KALRN: variants seen among roughly 807,000 people sequenced by gnomAD.
KALRN encodes kalirin RhoGEF kinase.
A neutral mutation model predicts 353.7 loss-of-function variants in KALRN; 70 were observed. The ratio of observed to expected loss-of-function variants is 0.20; its 90% CI spans 0.16 to 0.24. KALRN has a LOEUF of 0.24. Ranked by LOEUF, KALRN falls within the 10% of genes least tolerant of loss-of-function variation. The pLI, the probability that KALRN is intolerant of heterozygous loss-of-function variation, is 1.00. For missense variants in KALRN, 2,791 were observed against 3,756.7 expected (o/e 0.74, Z 6.72); for synonymous variants, 1,391 against 1,434.8 (o/e 0.97, Z 0.69).
chr3:124,119,629 T>C (rs754008274), intron 1 of KALRN, among the ~76,000 whole-genome samples: 7 of 152,180 alleles, frequency 4.6e-5, no homozygotes, highest in Non-Finnish European at 8.8e-5. Flanking sequence ...TGTCCCAACA[T>C]GAGCAGGGAT....
At chr3:124,039,222 C>T (rs1003140803) in intron 1 of KALRN, among the ~76,000 whole-genome samples, 3 of 152,228 alleles carry the variant, frequency 2.0e-5, no homozygotes, top group African/African-American at 7.2e-5. Context: ...GGATCAACCA[C>T]CCCGGCACCC....
intron 3 of KALRN, among the ~76,000 whole-genome samples, chr3:124,244,303 TC>T (rs2080855752): frequency 6.6e-6 from 1 of 152,104 alleles, no homozygotes; most frequent in South Asian, 2.1e-4. Flanking sequence ...AATGGCGTGA[TC>T]TTGGCTCACT....
At chr3:124,299,259 A>T (rs1271437790) in intron 6 of KALRN, among the ~76,000 whole-genome samples, 1 of 152,046 alleles carries the variant, frequency 6.6e-6, no homozygotes, top group Non-Finnish European at 1.5e-5. Flanking sequence ...CTGATCGGGG[A>T]TGGTGAGGGG....
chr3:124,602,937 G>C (rs530077970), intron 34 of KALRN, among the ~76,000 whole-genome samples: 33 of 53,558 alleles, frequency 6.2e-4, no homozygotes, highest in African/African-American at 3.2e-3. Context: ...TCCAGTTTTC[G>C]TGGTTTTTTT....
intron 34 of KALRN, among the ~76,000 whole-genome samples, chr3:124,600,472 G>A (rs1356242648): frequency 6.6e-6 from 1 of 152,208 alleles, no homozygotes; most frequent in Non-Finnish European, 1.5e-5. Flanking sequence ...ACAGGACAGG[G>A]CAGTGGCTAT....
At chr3:124,198,001 C>T (rs151192388) in intron 1 of KALRN, among the ~76,000 whole-genome samples, 136 of 152,274 alleles carry the variant, frequency 8.9e-4, no homozygotes, top group African/African-American at 3.1e-3. Flanking sequence ...TGCAATTCTC[C>T]AGGCACTGTA....
chr3:124,046,957 T>A (rs2040528187), intron 1 of KALRN, among the ~76,000 whole-genome samples: 1 of 151,484 alleles, frequency 6.6e-6, no homozygotes, highest in Non-Finnish European at 1.5e-5. Flanking sequence ...AGTCTTATAA[T>A]GAAACACTGT....
chr3:124,716,374 A>G (rs1055585664), intron 58 of KALRN, among the ~76,000 whole-genome samples: 10 of 152,232 alleles, frequency 6.6e-5, no homozygotes, highest in Non-Finnish European at 2.9e-5. Flanking sequence ...CAATACAAAA[A>G]TTAGCTGAGT....
chr3:124,329,152 C>T (rs2080241764), intron 7 of KALRN, among the ~76,000 whole-genome samples: 4 of 152,166 alleles, frequency 2.6e-5, no homozygotes, highest in Admixed American at 2.6e-4. Context: ...ACCCTTTGTG[C>T]GTGAAGACCC....
chr3:124,450,480 G>T (rs549705338), intron 21 of KALRN, among the ~76,000 whole-genome samples: 19 of 152,130 alleles, frequency 1.2e-4, no homozygotes, highest in Non-Finnish European at 2.4e-4. Flanking sequence ...GAACACTGGG[G>T]TTGTCAGATG....
chr3:124,461,191 T>G (rs1286068749), intron 23 of KALRN, among the ~76,000 whole-genome samples: 1 of 152,234 alleles, frequency 6.6e-6, no homozygotes, highest in Non-Finnish European at 1.5e-5. Flanking sequence ...ATGTGAAAAT[T>G]AGATAAAATT....
At chr3:124,098,641 C>T (rs1467671776) in intron 1 of KALRN, among the ~76,000 whole-genome samples, 4 of 152,308 alleles carry the variant, frequency 2.6e-5, no homozygotes, top group South Asian at 2.1e-4. Flanking sequence ...GGGCCACCTT[C>T]GCCCCACAGA....
chr3:124,085,671 T>C (rs2060778161), intron 1 of KALRN, among the ~76,000 whole-genome samples: 1 of 152,190 alleles, frequency 6.6e-6, no homozygotes, highest in African/African-American at 2.4e-5. Flanking sequence ...ACCTCCTTTT[T>C]CAGAAAAGAT....
chr3:124,584,069 TA>T (rs1424282046), intron 34 of KALRN, among the ~76,000 whole-genome samples: 1 of 152,060 alleles, frequency 6.6e-6, no homozygotes, highest in African/African-American at 2.4e-5. Context: ...ATTTTTTTTT[TA>T]AATGGGGAAA....
At chr3:124,362,722 T>G (rs1185190188) in intron 10 of KALRN, among the ~76,000 whole-genome samples, 1 of 152,264 alleles carries the variant, frequency 6.6e-6, no homozygotes, top group East Asian at 1.9e-4. Context: ...GCTCATCACC[T>G]GCCTAGAATT....
chr3:124,241,525 A>G (rs1357984287), intron 3 of KALRN, among the ~76,000 whole-genome samples: 2 of 152,060 alleles, frequency 1.3e-5, no homozygotes, highest in African/African-American at 2.4e-5. Context: ...ACTTTAGAAT[A>G]AATATCATAA....
intron 51 of KALRN, among the ~76,000 whole-genome samples, chr3:124,683,705 C>T (rs969024179): frequency 3.3e-5 from 5 of 152,208 alleles, no homozygotes; most frequent in African/African-American, 9.6e-5. Context: ...TGGCCTCATC[C>T]ACAACACAGA....
At chr3:124,511,382 T>A (rs183012086) in intron 33 of KALRN, among the ~76,000 whole-genome samples, 1 of 152,210 alleles carries the variant, frequency 6.6e-6, no homozygotes, top group Non-Finnish European at 1.5e-5. Context: ...TACCACATCC[T>A]TGATCTACTC....
chr3:124,033,603 C>T lies in KALRN; in HGVS notation c.-138C>T, dbSNP rs899326716. 2.0e-5 allele frequency among the ~76,000 whole-genome samples: 3 copies of T among 151,668 alleles called. No individual in the cohort carries two copies. The highest frequency in any genetic ancestry group is 4.8e-5 in the African/African-American group (2 of 41,386). On this transcript the variant is annotated 5_prime_UTR_variant, in exon 1 of 60. Coordinates refer to ENST00000682506, the MANE Select transcript of KALRN (RefSeq NM_001388419.1). The surrounding 1 kb of genome is among the most constrained non-coding windows in gnomAD (Gnocchi z 6.2). ...CTGCCCCAGCCCCGCCGCCCAACGC[C>T]CGCCCTCGAAGCTCCGCGGCCGCCA...
Sources: allele counts gnomAD v4.1 joint callset (sites outside exome capture counted in the v4.1 genomes callset), GRCh38; gene constraint gnomAD v4.1.1; non-coding constraint Gnocchi (gnomAD v3.1); transcripts MANE v1.5; gene names NCBI Gene and HGNC (gene_info 2026-07-23, HGNC 2026-07-21).